WNK2: variants seen among roughly 807,000 people sequenced by gnomAD.
The protein encoded by WNK2 is WNK lysine deficient protein kinase 2.
WNK2 carries 67 observed loss-of-function variants against 192.1 expected under a neutral mutation model. The observed-to-expected ratio is 0.35, with a 90% confidence interval of 0.29 to 0.43. The LOEUF is 0.43. Ranked by LOEUF, WNK2 falls within the 20% of genes least tolerant of loss-of-function variation. The probability of loss-of-function intolerance (pLI) is 1.00; values close to 1 mark genes in which losing one functional copy is unlikely to be tolerated. For synonymous variants in WNK2, 1,439 were observed against 1,393.9 expected, an observed-to-expected ratio of 1.03 and a Z score of -0.72; for missense variants, 2,698 against 3,089.7, an observed-to-expected ratio of 0.87 and a Z score of 3.01.
rs1841973106 is a variant in WNK2 at position 93,247,717 on chromosome 9, G to A, written c.1717G>A (p.Val573Ile). ...CAGGGGTCCGCCGGTGCCCCTGCAG[G>A]TCCAGGTGACCTACCATGCACAGGC... ...KARGPPVPLQ[V>I]QVTYHAQAGQ... is the part of the protein sequence containing the mutation. The change falls in exon 8 of 30, where the codon GTC becomes ATC. Residue 573 changes from valine (V) to isoleucine (I), a missense_variant. By Grantham distance (29) the Val-to-Ile change is conservative. Transcript: ENST00000427277. The surrounding 1 kb of genome is among the most constrained non-coding windows in gnomAD (Gnocchi z 5.2). 3 of 1,560,432 alleles carry A rather than the reference G, an allele frequency of 1.9e-6. No individual in the cohort carries two copies. Among genetic ancestry groups the A allele is most frequent in the Non-Finnish European group, 2.6e-6 (3 of 1,152,894 alleles).
At chr9:93,245,882 C>T (rs1841591556) in intron 7 of WNK2, among the ~76,000 whole-genome samples, 1 of 152,184 alleles carries the variant, frequency 6.6e-6, no homozygotes, top group Admixed American at 6.5e-5. Context: ...CAGACCCTGC[C>T]TCAGAACTCA....
Position 93,185,508 on chromosome 9 carries a change from C to A in WNK2, c.579C>A (p.Arg193=). The A allele has an allele frequency of 6.2e-7, 1 of 1,613,028 alleles. No individual in the cohort carries two copies. The highest frequency in any genetic ancestry group is 8.5e-7 in the Non-Finnish European group (1 of 1,179,780). Reference sequence around the variant, plus strand: ...CCGTGGCCACCTCTCTGGACGGCCGCTTCCTCAAGTTCGACATCGAGCTGG... The same window carrying A: ...CCGTGGCCACCTCTCTGGACGGCCGATTCCTCAAGTTCGACATCGAGCTGG... ...LKAVATSLDG[R]FLKFDIELGR... The change falls in exon 2 of 30, where the codon CGC becomes CGA. Residue 193 remains arginine (R), a synonymous_variant. Transcript: ENST00000427277.
intron 19 of WNK2, among the ~76,000 whole-genome samples, chr9:93,276,740 A>T (rs1349422966): frequency 6.6e-6 from 1 of 152,232 alleles, no homozygotes; most frequent in African/African-American, 2.4e-5. Context: ...AAATGAGCAT[A>T]AAAAATGAGC....
chr9:93,213,898 G>A (rs1022247679), intron 2 of WNK2, among the ~76,000 whole-genome samples: 2 of 152,212 alleles, frequency 1.3e-5, no homozygotes, highest in Non-Finnish European at 2.9e-5. Context: ...ATCGTGGGCA[G>A]TATAAGCATC....
At chr9:93,189,979 A>C (rs1383431921) in intron 2 of WNK2, among the ~76,000 whole-genome samples, 1 of 152,264 alleles carries the variant, frequency 6.6e-6, no homozygotes, top group Non-Finnish European at 1.5e-5. Flanking sequence ...CAAGACAATC[A>C]GAAGGCTTGA....
At chr9:93,226,837 G>A (rs562097539) in intron 2 of WNK2, among the ~76,000 whole-genome samples, 2 of 152,200 alleles carry the variant, frequency 1.3e-5, no homozygotes, top group South Asian at 4.2e-4. Flanking sequence ...GGTCCCATTT[G>A]GATGGGTGCG....
intron 28 of WNK2, among the ~76,000 whole-genome samples, chr9:93,313,799 A>G (rs1854102467): frequency 6.6e-6 from 1 of 152,178 alleles, no homozygotes; most frequent in Non-Finnish European, 1.5e-5. Flanking sequence ...GGGGCTTCCA[A>G]AAGTTCACAG....
In WNK2 at chr9:93,256,303, G is replaced by A. The variant is rs1843277284; in HGVS notation, c.2039G>A (p.Gly680Asp). ...TGGCCCTGGTGCTCTCTGCAGCCTGGCTTGCCGGTGGGCTCTGTCCCGGCC... is the reference window on the plus strand; with the variant it reads ...TGGCCCTGGTGCTCTCTGCAGCCTGACTTGCCGGTGGGCTCTGTCCCGGCC... ...GAYQQPTAAP[G>D]LPVGSVPAPA... The change falls in exon 10 of 30, where the codon GGC becomes GAC. Residue 680 changes from glycine (G) to aspartate (D), a missense_variant. Gly to Asp is a moderately conservative substitution (Grantham distance 94). Transcript: ENST00000427277. 6.4e-7 allele frequency: 1 copy of A among 1,559,100 alleles called. No homozygotes were observed. The highest frequency in any genetic ancestry group is 1.2e-5 in the South Asian group (1 of 84,066).
chr9:93,259,778 G>C lies in WNK2; in HGVS notation c.3066+164G>C, dbSNP rs1843917533. The stretch of plus-strand genomic sequence containing the variant: ...CTGAGGGAGGCGGGGGCTGGCGCCA[G>C]CGCGAGGCATCTGCATCTCTTCCGT... On this transcript the variant is annotated intron_variant, in intron 12 of 29. Transcript: ENST00000427277. The surrounding 1 kb of genome is among the most constrained non-coding windows in gnomAD (Gnocchi z 4.8). Among the ~76,000 whole-genome samples the C allele has an allele frequency of 6.6e-6, 1 of 152,258 alleles. No homozygotes were observed. Among genetic ancestry groups the C allele is most frequent in the East Asian group, 1.9e-4 (1 of 5,192 alleles).
At chr9:93,241,147 G>T (rs1840689855) in intron 7 of WNK2, among the ~76,000 whole-genome samples, 1 of 152,266 alleles carries the variant, frequency 6.6e-6, no homozygotes, top group Non-Finnish European at 1.5e-5. Context: ...CTAGTGCAGG[G>T]CCTAGAGACA....
At chr9:93,313,982 G>T (rs989686083) in intron 28 of WNK2, among the ~76,000 whole-genome samples, 4 of 151,924 alleles carry the variant, frequency 2.6e-5, no homozygotes, top group Non-Finnish European at 5.9e-5. Context: ...ATAAAAATTA[G>T]CTGGGCTGCT....
intron 2 of WNK2, among the ~76,000 whole-genome samples, chr9:93,193,268 A>C (rs1338433663): frequency 6.6e-6 from 1 of 152,160 alleles, no homozygotes; most frequent in African/African-American, 2.4e-5. Flanking sequence ...ATGGGAGGGC[A>C]CCTGTTTCTG....
chr9:93,301,494 A>G (rs2134108941), intron 26 of WNK2, among the ~76,000 whole-genome samples: 1 of 152,288 alleles, frequency 6.6e-6, no homozygotes, highest in South Asian at 2.1e-4. Flanking sequence ...TGTTTCGGCC[A>G]CCATGTCATC....
rs777362163 is a variant in WNK2 at position 93,317,565 on chromosome 9, G to T, written c.6562G>T (p.Ala2188Ser). Residue 2188 changes from alanine (A) to serine (S), a missense_variant, in exon 29 of 30, where the codon GCG (alanine) becomes TCG (serine). Coordinates refer to ENST00000427277, the MANE Select transcript of WNK2 (RefSeq NM_006648.4). ...AGVGMPRLPP[A>S]PGPLSTTVIP... ...AGTGGGGATGCCACGTCTGCCCCCA[G>T]CGCCCGGCCCTCTGTCCACCACGGT... is the stretch of plus-strand genomic sequence containing the variant. 6.2e-7 allele frequency: 1 copy of T among 1,613,540 alleles called. No individual in the cohort carries two copies. The highest frequency in any genetic ancestry group is 8.5e-7 in the Non-Finnish European group (1 of 1,179,882).
In WNK2 at chr9:93,185,118, G is replaced by A; in HGVS notation, c.189G>A (p.Pro63=). The part of the protein sequence containing the change: ...EPPGLEAAEA[P]GPQPPQPLQR... ...CGGGCTTGGAGGCAGCCGAGGCGCC[G>A]GGCCCGCAGCCCCCGCAGCCCCTGC... The change falls in exon 2 of 30, where the codon CCG becomes CCA. Residue 63 remains proline, a synonymous_variant. Coordinates refer to ENST00000427277, the MANE Select transcript of WNK2 (RefSeq NM_006648.4). The A allele has an allele frequency of 7.6e-7, 1 of 1,308,990 alleles. No homozygotes were observed. The highest frequency in any genetic ancestry group is 1.9e-5 in the South Asian group (1 of 52,074). 81.1% of individuals were successfully genotyped at this position (1,308,990 alleles called of 1,614,324 possible).
chr9:93,307,216 G>A (rs910622970), intron 27 of WNK2: 3 of 209,460 alleles, frequency 1.4e-5, no homozygotes, highest in Non-Finnish European at 2.8e-5. Context: ...GTCTCCTTGG[G>A]CCACTCACCT....
At chr9:93,211,257 T>TCCACTCACTCATACACTCAG (rs373643754) in intron 2 of WNK2, among the ~76,000 whole-genome samples, 409 of 3,186 alleles carry the variant, frequency 0.13, 176 homozygotes, top group East Asian at 0.18. Flanking sequence ...CACTCACTCA[T>TCCACTCACTCATACACTCAG]TCACTCATTC....
intron 19 of WNK2, among the ~76,000 whole-genome samples, chr9:93,273,282 C>T (rs1000260047): frequency 2.0e-5 from 3 of 152,180 alleles, no homozygotes; most frequent in Non-Finnish European, 4.4e-5. Context: ...CTCAGCCTCC[C>T]GAGTAGCTAG....
At chr9:93,212,630 G>C (rs1835002761) in intron 2 of WNK2, among the ~76,000 whole-genome samples, 1 of 152,172 alleles carries the variant, frequency 6.6e-6, no homozygotes, top group Non-Finnish European at 1.5e-5. Context: ...TGCTGAGCCT[G>C]TCTGTGTCTC....
Sources: gnomAD v4.1 joint callset for allele counts (sites outside exome capture counted in the v4.1 genomes callset) on GRCh38, gnomAD v4.1.1 for gene constraint, Gnocchi (gnomAD v3.1) non-coding constraint, MANE v1.5 for transcripts, NCBI Gene and HGNC (gene_info 2026-07-23, HGNC 2026-07-21) for gene names.